ITGAE: variants seen among roughly 807,000 people sequenced by gnomAD.
ITGAE encodes integrin subunit alpha E, also known as integrin alpha-E.
ITGAE carries 99 observed loss-of-function variants against 136.5 expected under a neutral mutation model. That is an observed-to-expected ratio of 0.73 (90% CI 0.62 to 0.86). ITGAE has a LOEUF of 0.86. Ranked by LOEUF, ITGAE falls within the 40% of genes least tolerant of loss-of-function variation. The pLI, the probability that ITGAE is intolerant of heterozygous loss-of-function variation, is 0.00. For synonymous variants in ITGAE, 613 were observed against 591.8 expected, an observed-to-expected ratio of 1.04 and a Z score of -0.52; for missense variants, 1,447 against 1,515.3, an observed-to-expected ratio of 0.95 and a Z score of 0.75.
In ITGAE at chr17:3,779,701, G is replaced by C. The variant is rs188319313; in HGVS notation, c.35-2041C>G. ...GGGTAGATAGATATACGTGATAAAA[G>C]AAACACTCAAAAGTGTTGACAATTG... On this transcript the variant is annotated intron_variant, in intron 1 of 30. Coordinates refer to ENST00000263087, the MANE Select transcript of ITGAE (RefSeq NM_002208.5). Among the ~76,000 whole-genome samples the C allele has an allele frequency of 5.3e-5, 8 of 152,278 alleles. No individual in the cohort carries two copies. In the East Asian group the frequency reaches 1.5e-3, roughly 29 times the overall value.
At chr17:3,790,447 C>T (rs1411809968) in intron 1 of ITGAE, among the ~76,000 whole-genome samples, 1 of 151,872 alleles carries the variant, frequency 6.6e-6, no homozygotes, top group East Asian at 1.9e-4. Flanking sequence ...GCGGAGGTTG[C>T]AGTGAGCCGA....
chr17:3,761,029 C>T lies in ITGAE; in HGVS notation c.582G>A (p.Glu194=), dbSNP rs1040691175. The T allele has an allele frequency of 6.2e-7, 1 of 1,603,650 alleles. No homozygotes were observed. ...TCTTCTCACCAGCTTCCTCCTCCTC[C>T]TCGTCTTCCTCCTCCTCCTTGTCTT... The part of the protein sequence containing the change: ...EEEDKEEEED[E]EEEEAGTEIA... Residue 194 remains glutamate (E), a synonymous_variant, in exon 6 of 31, where the codon GAG becomes GAA. Coordinates refer to ENST00000263087, the MANE Select transcript of ITGAE (RefSeq NM_002208.5).
intron 16 of ITGAE, 137 bp downstream of exon 16, chr17:3,750,215 G>A (rs980845731): frequency 1.2e-5 from 15 of 1,250,016 alleles, no homozygotes; most frequent in African/African-American, 9.0e-5. Context: ...ACCCAGACGG[G>A]CAGACTCCAG....
At chr17:3,718,888 A>G (rs2976228) in intron 29 of ITGAE, among the ~76,000 whole-genome samples, 20,311 of 151,982 alleles carry the variant, frequency 0.13, 4,541 homozygotes, top group African/African-American at 0.46. Flanking sequence ...GGGCACTTCT[A>G]TTTCTTCCGT....
chr17:3,801,030 C>T (rs894105346), intron 1 of ITGAE, 81 bp downstream of exon 1: 10 of 1,490,264 alleles, frequency 6.7e-6, no homozygotes, highest in Non-Finnish European at 9.3e-6. Context: ...CAGAGACAGA[C>T]AGTCAAGGCT....
At position 3,716,747 on chromosome 17, in the gene ITGAE, T is replaced by C. The variant is rs1405120646; in HGVS notation, c.3385A>G (p.Ile1129Val). 6.2e-7 allele frequency: 1 copy of C among 1,612,110 alleles called. No individual in the cohort carries two copies. The highest frequency in any genetic ancestry group is 1.3e-5 in the African/African-American group (1 of 74,906). ...DEKYHSLPIIIKGSVGGLLVL... is the reference protein window; with the variant it reads ...DEKYHSLPIIVKGSVGGLLVL... ...AGAAGTCCACCAACGCTGCCTTTAA[T>C]GATGATAGGCAAAGAATGGTACTTC... is the stretch of plus-strand genomic sequence containing the variant. Residue 1129 changes from isoleucine (I) to valine (V), a missense_variant, in exon 30 of 31, where the codon ATT becomes GTT. Physicochemically the swap from Ile to Val is conservative, Grantham distance 29. Around this residue, in one of 3 missense-constraint regions of ITGAE, gnomAD observed 1,031 missense variants for 1,011.4 expected, o/e 1.02. Coordinates refer to ENST00000263087, the MANE Select transcript of ITGAE (RefSeq NM_002208.5).
Position 3,757,208 on chromosome 17 carries a change from C to T in ITGAE, c.1021-74G>A. 2.0e-6 allele frequency: 3 copies of T among 1,535,842 alleles called. No homozygotes were observed. The East Asian group carries it at 6.8e-5, about 35-fold the overall frequency. ...GGCCCAGGGAGAGAGCTGAGCCCCT[C>T]CATCTGGCCTCTGGGGCCCTCCATT... is the stretch of plus-strand genomic sequence containing the variant. On this transcript the variant is annotated intron_variant, in intron 9 of 30. Transcript: ENST00000263087.
intron 8 of ITGAE, among the ~76,000 whole-genome samples, chr17:3,758,661 A>T (rs1344552575): frequency 6.6e-6 from 1 of 150,684 alleles, no homozygotes; most frequent in Non-Finnish European, 1.5e-5. Context: ...CATGTTGGCC[A>T]GGCTGGTCTT....
rs142638422 is a variant in ITGAE at position 3,788,441 on chromosome 17, C to T, written c.35-10781G>A. 7.5e-4 allele frequency among the ~76,000 whole-genome samples: 112 copies of T among 150,228 alleles called. 1 individual carries two copies. In the East Asian group the frequency reaches 0.021, roughly 29 times the overall value. Reference sequence around the variant, plus strand: ...AGTAGCTGGGACTATAGGCCTGTGCCACCAGACCTGACTAATTTTTTTTTT... The same window carrying T: ...AGTAGCTGGGACTATAGGCCTGTGCTACCAGACCTGACTAATTTTTTTTTT... On this transcript the variant is annotated intron_variant, in intron 1 of 30. Coordinates refer to ENST00000263087, the MANE Select transcript of ITGAE (RefSeq NM_002208.5).
chr17:3,794,921 G>A lies in ITGAE; in HGVS notation c.34+6190C>T, dbSNP rs893517562. ...GTCCAGTCTCCTCTCCTGGGCGTCCGTGGCACCCCCCCGCTCTGCCCGGCG... is the reference window on the plus strand; with the variant it reads ...GTCCAGTCTCCTCTCCTGGGCGTCCATGGCACCCCCCCGCTCTGCCCGGCG... On this transcript the variant is annotated intron_variant, in intron 1 of 30. Coordinates refer to ENST00000263087, the MANE Select transcript of ITGAE (RefSeq NM_002208.5). Among the ~76,000 whole-genome samples the A allele has an allele frequency of 5.3e-5, 8 of 151,800 alleles. 1 individual carries two copies. The highest frequency in any genetic ancestry group is 6.5e-5 in the Admixed American group (1 of 15,288).
At chr17:3,795,516 C>T (rs1017686786) in intron 1 of ITGAE, among the ~76,000 whole-genome samples, 1 of 152,178 alleles carries the variant, frequency 6.6e-6, no homozygotes, top group African/African-American at 2.4e-5. Context: ...GTGCATGGCC[C>T]GTCGGAAGAT....
intron 21 of ITGAE, among the ~76,000 whole-genome samples, chr17:3,734,102 G>A (rs920665141): frequency 1.2e-4 from 19 of 152,164 alleles, no homozygotes; most frequent in Admixed American, 7.9e-4. Context: ...ACAGACTCTT[G>A]CTCTGTGGCC....
intron 2 of ITGAE, among the ~76,000 whole-genome samples, chr17:3,775,190 A>G (rs59145365): frequency 0.057 from 8,666 of 151,902 alleles, 305 homozygotes; most frequent in African/African-American, 0.092. Context: ...GGCTCATGTG[A>G]TCCACCCGCC....
At chr17:3,728,388 T>TTG in intron 24 of ITGAE, 1 of 410,996 alleles carries the variant, frequency 2.4e-6, no homozygotes, top group South Asian at 2.6e-5. Flanking sequence ...TTTTTTTTTT[T>TTG]TTTGAGGTGG....
At chr17:3,753,158 T>A (rs1597333743) in intron 14 of ITGAE, 132 bp downstream of exon 14, 1 of 969,216 alleles carries the variant, frequency 1.0e-6, no homozygotes, top group East Asian at 2.6e-5. Flanking sequence ...CCAGCCGCCA[T>A]CCAGCCTGAG....
At chr17:3,782,086 C>T (rs2052677835) in intron 1 of ITGAE, among the ~76,000 whole-genome samples, 1 of 151,568 alleles carries the variant, frequency 6.6e-6, no homozygotes, top group South Asian at 2.1e-4. Flanking sequence ...ACCAGCCTGA[C>T]CAATGTGGTG....
intron 3 of ITGAE, 21 bp from the exon 4 acceptor site, chr17:3,762,003 TGAG>T (rs763587115): frequency 1.9e-5 from 31 of 1,607,712 alleles, no homozygotes; most frequent in East Asian, 2.2e-5. Context: ...TAAGCCCAGG[TGAG>T]GAGGAGGAGG....
chr17:3,766,644 A>G (rs927522490), intron 2 of ITGAE, among the ~76,000 whole-genome samples: 2 of 152,042 alleles, frequency 1.3e-5, no homozygotes, highest in East Asian at 1.9e-4. Context: ...TCTACTAAAA[A>G]TACAAACATT....
At chr17:3,789,505 GT>G (rs1376359484) in intron 1 of ITGAE, among the ~76,000 whole-genome samples, 1 of 15,634 alleles carries the variant, frequency 6.4e-5, no homozygotes, top group East Asian at 2.1e-3. Context: ...CTTTTTTTTT[GT>G]TTTTTGTTTT....
Sources: gnomAD v4.1 joint callset for allele counts (sites outside exome capture counted in the v4.1 genomes callset) on GRCh38, gnomAD v4.1.1 for gene constraint, gnomAD v4.1.1 regional missense constraint, MANE v1.5 for transcripts, NCBI Gene and HGNC (gene_info 2026-07-23, HGNC 2026-07-21) for gene names.